Variants in CCDC171 observed in about 807,000 individuals in gnomAD.
CCDC171 encodes the protein coiled-coil domain containing 171, also known as coiled-coil domain-containing protein 171.
A neutral mutation model predicts 168.2 loss-of-function variants in CCDC171; 177 were observed. That is an observed-to-expected ratio of 1.05 (90% CI 0.93 to 1.19). The LOEUF is 1.19. Among genes scored for constraint, CCDC171 ranks in the 50% most tolerant of loss-of-function variants. The probability of loss-of-function intolerance (pLI) is 0.00; values close to 1 mark genes in which losing one functional copy is unlikely to be tolerated. For missense variants in CCDC171, 1,991 were observed against 1,539.0 expected, an observed-to-expected ratio of 1.29 and a Z score of -4.91; for synonymous variants, 687 against 540.8, an observed-to-expected ratio of 1.27 and a Z score of -3.75.
At chr9:15,624,076 G>A (rs1002098320) in intron 7 of CCDC171, among the ~76,000 whole-genome samples, 8 of 152,074 alleles carry the variant, frequency 5.3e-5, no homozygotes, top group Non-Finnish European at 8.8e-5. Flanking sequence ...TACTTATGAA[G>A]AGTATTTAAT....
At chr9:15,570,897 A>G (rs2040172607) in intron 2 of CCDC171, among the ~76,000 whole-genome samples, 1 of 152,192 alleles carries the variant, frequency 6.6e-6, no homozygotes, top group East Asian at 1.9e-4. Flanking sequence ...CCAGGGAATA[A>G]ACCCCTAGTG....
intron 25 of CCDC171, among the ~76,000 whole-genome samples, chr9:15,959,862 A>G (rs1334976511): frequency 6.6e-6 from 1 of 152,214 alleles, no homozygotes; most frequent in African/African-American, 2.4e-5. Flanking sequence ...GTTCTGTGAC[A>G]GATACTGCAA....
At chr9:15,623,438 T>C (rs1423032172) in intron 7 of CCDC171, 25 bp downstream of exon 7, 4 of 1,491,890 alleles carry the variant, frequency 2.7e-6, no homozygotes, top group South Asian at 1.2e-5. Context: ...TCCTTTATAA[T>C]ATATATGCGT....
intron 18 of CCDC171, among the ~76,000 whole-genome samples, chr9:15,761,204 A>G (rs2056427243): frequency 6.6e-6 from 1 of 152,172 alleles, no homozygotes; most frequent in Non-Finnish European, 1.5e-5. Flanking sequence ...AGATGACCCA[A>G]ATATACCCCT....
At chr9:15,583,930 C>T (rs879668810) in intron 4 of CCDC171, among the ~76,000 whole-genome samples, 11 of 152,120 alleles carry the variant, frequency 7.2e-5, no homozygotes, top group African/African-American at 2.2e-4. Flanking sequence ...TGCAGTGGTG[C>T]GATCTCGGCT....
At chr9:15,868,703 C>T (rs1393139783) in intron 23 of CCDC171, among the ~76,000 whole-genome samples, 1 of 151,990 alleles carries the variant, frequency 6.6e-6, no homozygotes, top group Non-Finnish European at 1.5e-5. Flanking sequence ...GTAATTTCTT[C>T]AACTGTTAAT....
At chr9:15,625,812 T>C (rs1342964489) in intron 7 of CCDC171, among the ~76,000 whole-genome samples, 1 of 152,246 alleles carries the variant, frequency 6.6e-6, no homozygotes, top group African/African-American at 2.4e-5. Context: ...TCTTTTTTGG[T>C]TTCATATGAA....
At position 16,007,471 on chromosome 9, in the gene CCDC171, C is replaced by T. The variant is rs1013815043; in HGVS notation, n.369-13118C>T. Among the ~76,000 whole-genome samples, 4 of 152,040 alleles carry T rather than the reference C, an allele frequency of 2.6e-5. 1 individual carries two copies. Among genetic ancestry groups the T allele is most frequent in the Non-Finnish European group, 5.9e-5 (4 of 68,016 alleles). ...AATTGTCAATTTTGGCTTTTGTTGC[C>T]ATTGCTTTTGGTGTTTTAGACATGA... is the stretch of plus-strand genomic sequence containing the variant. On this transcript the variant is annotated intron_variant and non_coding_transcript_variant, in intron 3 of 9. Coordinates refer to the CCDC171 transcript ENST00000486641.
At chr9:15,740,271 AG>A (rs1197437220) in intron 16 of CCDC171, among the ~76,000 whole-genome samples, 1 of 152,082 alleles carries the variant, frequency 6.6e-6, no homozygotes, top group Non-Finnish European at 1.5e-5. Flanking sequence ...AAGGCCATCC[AG>A]TTATTTCACC....
At chr9:15,698,295 G>A (rs10962118) in intron 11 of CCDC171, among the ~76,000 whole-genome samples, 1 of 151,630 alleles carries the variant, frequency 6.6e-6, no homozygotes, top group Non-Finnish European at 1.5e-5. Flanking sequence ...GCCGAGGGGG[G>A]TGGATCACGA....
chr9:15,954,468 A>C (rs1262924713), intron 25 of CCDC171, among the ~76,000 whole-genome samples: 2 of 151,898 alleles, frequency 1.3e-5, no homozygotes, highest in African/African-American at 4.8e-5. Flanking sequence ...TTTAAATTCC[A>C]CAATTTTGTG....
intron 18 of CCDC171, among the ~76,000 whole-genome samples, chr9:15,767,520 C>G (rs1479927683): frequency 1.3e-5 from 2 of 152,168 alleles, no homozygotes; most frequent in Non-Finnish European, 2.9e-5. Context: ...ACCCTTAATT[C>G]TCTCTCGTTG....
intron 24 of CCDC171, chr9:15,886,934 A>T (rs1160849260): frequency 6.6e-6 from 1 of 152,156 alleles, no homozygotes; most frequent in Admixed American, 6.6e-5. Context: ...AATTTTTAAA[A>T]ATCTTACTCA....
intron 18 of CCDC171, among the ~76,000 whole-genome samples, chr9:15,748,350 G>T (rs2055451178): frequency 6.6e-6 from 1 of 152,180 alleles, no homozygotes; most frequent in Admixed American, 6.5e-5. Context: ...TGTTTGATTG[G>T]TGTATCTGAA....
At chr9:15,863,699 T>C (rs978222921) in intron 23 of CCDC171, among the ~76,000 whole-genome samples, 1 of 152,122 alleles carries the variant, frequency 6.6e-6, no homozygotes, top group Admixed American at 6.6e-5. Flanking sequence ...AAAGTACTTA[T>C]GTGGTAAGGT....
rs1831488958 is a variant in CCDC171, at chr9:15,973,020, A to G, written c.*1184A>G. 2.0e-5 allele frequency: 3 copies of G among 152,164 alleles called. No homozygotes were observed. 9.4% of individuals were successfully genotyped at this position (152,164 alleles called of 1,614,324 possible). A position where few individuals can be genotyped will look rare whatever the true frequency, so the allele number is the denominator to read the frequency against. On this transcript the variant is annotated 3_prime_UTR_variant, in exon 26 of 26. Coordinates refer to ENST00000380701, the MANE Select transcript of CCDC171 (RefSeq NM_173550.4). The stretch of plus-strand genomic sequence containing the variant: ...GTGATGTTCTGTTGGGTATCGCTAG[A>G]CAGACTGTTCTTTATCGCCTTCAGA...
At chr9:15,945,125 C>T (rs28741999) in intron 25 of CCDC171, among the ~76,000 whole-genome samples, 6,901 of 148,646 alleles carry the variant, frequency 0.046, 334 homozygotes, top group South Asian at 0.12. Context: ...TGAGAATATG[C>T]GGTGTTTGGT....
intron 25 of CCDC171, among the ~76,000 whole-genome samples, chr9:15,938,809 T>C (rs1827386517): frequency 6.6e-6 from 1 of 151,886 alleles, no homozygotes; most frequent in Non-Finnish European, 1.5e-5. Context: ...AGGGGCCAGC[T>C]AAGGTTACAG....
At chr9:16,063,885 T>G (rs925524621), downstream of CCDC171, among the ~76,000 whole-genome samples, 2 of 152,202 alleles carry the variant, frequency 1.3e-5, no homozygotes, top group South Asian at 4.1e-4. Context: ...GGGACCAAGA[T>G]AGTGAATTCT....
Sources: gnomAD v4.1 joint callset for allele counts (sites outside exome capture counted in the v4.1 genomes callset) on GRCh38, gnomAD v4.1.1 for gene constraint, MANE v1.5 for transcripts, NCBI Gene and HGNC (gene_info 2026-07-23, HGNC 2026-07-21) for gene names.